The following RIOK3 variants were observed in gnomAD, a reference collection of about 807,000 sequenced individuals.
RIOK3 encodes the protein RIO kinase 3.
In RIOK3, 40 loss-of-function variants were observed where a neutral mutation model predicts 63.5. The ratio of observed to expected loss-of-function variants is 0.63; its 90% confidence interval spans 0.49 to 0.82. The LOEUF (loss-of-function observed/expected upper bound fraction) is 0.82. RIOK3 is among the 40% of genes least tolerant of loss of function. The pLI is 0.00. For synonymous variants in RIOK3, 193 were observed against 205.0 expected, an observed-to-expected ratio of 0.94 and a Z score of 0.50; for missense variants, 557 against 637.0, an observed-to-expected ratio of 0.87 and a Z score of 1.35.
chr18:23,481,630 G>GT lies in RIOK3; in HGVS notation c.*354dup, dbSNP rs1478938958. On this transcript the variant is annotated 3_prime_UTR_variant, in exon 13 of 13. Coordinates refer to ENST00000339486, the MANE Select transcript of RIOK3 (RefSeq NM_003831.5). Reference sequence around the variant, plus strand: ...AAATATGGGAGGAAAGGACAGATGTGTTTACAAGGGAGGATTTTACAACAT... The same window carrying GT: ...AAATATGGGAGGAAAGGACAGATGTGTTTTACAAGGGAGGATTTTACAACAT... The GT allele has an allele frequency of 1.1e-5, 2 of 175,408 alleles. No individual in the cohort carries two copies. The highest frequency in any genetic ancestry group is 6.2e-5 in the Admixed American group (1 of 16,154). 10.9% of individuals were successfully genotyped at this position (175,408 alleles called of 1,614,324 possible). A position where few individuals can be genotyped will look rare whatever the true frequency, so the allele number is the denominator to read the frequency against.
chr18:23,464,569 A>G lies in RIOK3; in HGVS notation c.484A>G (p.Ile162Val), dbSNP rs1226423164. Reference protein sequence around the residue: ...KKGFIGKGKDITTKHDEVVCG... With the variant: ...KKGFIGKGKDVTTKHDEVVCG... ...GGGCTTTATTGGAAAAGGAAAAGATATCACCACCAAACATGATGAAGTAGT... is the reference window on the plus strand; with the variant it reads ...GGGCTTTATTGGAAAAGGAAAAGATGTCACCACCAAACATGATGAAGTAGT... The change falls in exon 5 of 13, where the codon ATC becomes GTC. Residue 162 changes from isoleucine to valine, a missense_variant. Physicochemically the swap from Ile to Val is conservative, Grantham distance 29 (BLOSUM62 3). Transcript: ENST00000339486. The G allele has an allele frequency of 3.7e-6, 6 of 1,608,898 alleles. No individual in the cohort carries two copies. The South Asian group carries it at 4.5e-5, about 12-fold the overall frequency.
intron 11 of RIOK3, chr18:23,478,977 A>G (rs2057512882): frequency 4.3e-6 from 1 of 231,982 alleles, no homozygotes; most frequent in Admixed American, 4.8e-5. Flanking sequence ...GAACCTGAGT[A>G]TAGTCCAGCT....
At chr18:23,458,923 C>T (rs1326106100) in intron 1 of RIOK3, among the ~76,000 whole-genome samples, 1 of 152,170 alleles carries the variant, frequency 6.6e-6, no homozygotes, top group Non-Finnish European at 1.5e-5. Context: ...GGAGTGGCAG[C>T]CTTTCTGAAA....
intron 12 of RIOK3, among the ~76,000 whole-genome samples, chr18:23,480,519 A>G (rs941011262): frequency 6.6e-6 from 1 of 151,206 alleles, no homozygotes; most frequent in African/African-American, 2.4e-5. Context: ...AAAAAAATAC[A>G]TGTATGTATG....
At position 23,481,729 on chromosome 18, in the gene RIOK3, C is replaced by T. The variant is rs2057536280; in HGVS notation, c.*450C>T. 6.5e-6 allele frequency: 1 copy of T among 152,738 alleles called. No homozygotes were observed. Among genetic ancestry groups the T allele is most frequent in the African/African-American group, 2.4e-5 (1 of 41,452 alleles). The allele number at this position is 152,738 out of a possible 1,614,324, so 9.5% of individuals were successfully genotyped here. On this transcript the variant is annotated 3_prime_UTR_variant, in exon 13 of 13. Coordinates refer to ENST00000339486, the MANE Select transcript of RIOK3 (RefSeq NM_003831.5). The stretch of plus-strand genomic sequence containing the variant: ...TTTTATTGGCCCAGAGTTAGCCTTT[C>T]TCAATTATGTTTCCAGACTGTGGCC...
chr18:23,480,770 A>G (rs1439414127), intron 12 of RIOK3, among the ~76,000 whole-genome samples: 1 of 152,072 alleles, frequency 6.6e-6, no homozygotes, highest in Non-Finnish European at 1.5e-5. Flanking sequence ...CCTGAGCAAC[A>G]TAAACTCCAT....
At position 23,473,537 on chromosome 18, in the gene RIOK3, T is replaced by C; in HGVS notation, c.924T>C (p.Asp308=). 2 of 1,613,536 alleles carry C rather than the reference T, an allele frequency of 1.2e-6. No homozygotes were observed. Among genetic ancestry groups the C allele is most frequent in the South Asian group, 1.1e-5 (1 of 91,044 alleles). ...EFKNRDKYIK[D]DFRFKDRFSK... The stretch of plus-strand genomic sequence containing the variant: ...AGAATCGTGACAAATATATTAAAGA[T>C]GATTTCAGGTTTAAAGATCGCTTCA... The change falls in exon 8 of 13, where the codon GAT becomes GAC. Residue 308 remains aspartate, a synonymous_variant. Transcript: ENST00000339486.
chr18:23,478,606 CATATATATATATATATAT>C (rs67305895), intron 11 of RIOK3, among the ~76,000 whole-genome samples: 1,407 of 130,856 alleles, frequency 0.011, 22 homozygotes, highest in African/African-American at 0.023. Flanking sequence ...AAAAACAAAA[CATATATATATATATATAT>C]ATATATATAT....
chr18:23,453,786 T>C (rs1459352228), intron 1 of RIOK3, among the ~76,000 whole-genome samples: 2 of 152,222 alleles, frequency 1.3e-5, no homozygotes, highest in Non-Finnish European at 2.9e-5. Context: ...TGAGCAGGAC[T>C]GGCTTACACA....
chr18:23,467,837 C>T lies in RIOK3; in HGVS notation c.815+311C>T, dbSNP rs1210056647. The stretch of plus-strand genomic sequence containing the variant: ...TGTTCCCCAGGCTGGAGTGCAGTGG[C>T]GTGATCTTGGCTCACTGCAATCTCT... On this transcript the variant is annotated intron_variant, in intron 7 of 12. Coordinates refer to ENST00000339486, the MANE Select transcript of RIOK3 (RefSeq NM_003831.5). 3.9e-5 allele frequency among the ~76,000 whole-genome samples: 6 copies of T among 151,962 alleles called. No homozygotes were observed. In the South Asian group the frequency reaches 6.2e-4, roughly 16 times the overall value.
At chr18:23,468,048 G>A (rs1314446173) in intron 7 of RIOK3, among the ~76,000 whole-genome samples, 1 of 152,170 alleles carries the variant, frequency 6.6e-6, no homozygotes, top group Non-Finnish European at 1.5e-5. Flanking sequence ...AAAGTGCTGG[G>A]ATTACAGGCG....
rs557502097 is a variant in RIOK3 at position 23,466,621 on chromosome 18, T to G, written c.687+345T>G. 2.0e-5 allele frequency among the ~76,000 whole-genome samples: 3 copies of G among 148,228 alleles called. No individual in the cohort carries two copies. In the South Asian group the frequency reaches 6.4e-4, roughly 32 times the overall value. On this transcript the variant is annotated intron_variant, in intron 6 of 12. Transcript: ENST00000339486. Reference sequence around the variant, plus strand: ...GGGAGGATTGGTTGAGCCCAAGAAGTTGAGGCTGCAGTGAACCATGATTGT... The same window carrying G: ...GGGAGGATTGGTTGAGCCCAAGAAGGTGAGGCTGCAGTGAACCATGATTGT...
chr18:23,474,125 AT>A (rs2057474175), intron 8 of RIOK3, among the ~76,000 whole-genome samples: 1 of 152,110 alleles, frequency 6.6e-6, no homozygotes, highest in African/African-American at 2.4e-5. Flanking sequence ...AAACCTTTCT[AT>A]TATCTTAATT....
intron 7 of RIOK3, among the ~76,000 whole-genome samples, chr18:23,470,623 A>C (rs2057450401): frequency 6.6e-6 from 1 of 152,214 alleles, no homozygotes; most frequent in Non-Finnish European, 1.5e-5. Context: ...TCTTTAAGAA[A>C]AAGGCTAAGG....
chr18:23,473,426 TAG>T lies in RIOK3; in HGVS notation c.816-2_816-1del. On this transcript the variant is annotated splice_acceptor_variant, in intron 7 of 12. Coordinates refer to ENST00000339486, the MANE Select transcript of RIOK3 (RefSeq NM_003831.5). LOFTEE classifies it high-confidence loss of function. ...CTGACTTGATTTTTTTTCTTCCACT[TAG>T]CATGGAGGATGAAAAGGAAGATAGT... 6.3e-7 allele frequency: 1 copy of T among 1,597,316 alleles called. No individual in the cohort carries two copies. Among genetic ancestry groups the T allele is most frequent in the Admixed American group, 1.7e-5 (1 of 58,490 alleles).
intron 1 of RIOK3, among the ~76,000 whole-genome samples, chr18:23,458,237 T>C (rs2057353211): frequency 6.6e-6 from 1 of 151,752 alleles, no homozygotes; most frequent in Non-Finnish European, 1.5e-5. Flanking sequence ...TCTTTACCCA[T>C]AATTGTCTGC....
chr18:23,456,133 T>A (rs2057339387), intron 1 of RIOK3, among the ~76,000 whole-genome samples: 2 of 151,520 alleles, frequency 1.3e-5, no homozygotes. Flanking sequence ...GATTTCACCA[T>A]GTTGCCTAGG....
At chr18:23,474,844 C>A in intron 8 of RIOK3, 104 bp from the exon 9 acceptor site, 1 of 820,366 alleles carries the variant, frequency 1.2e-6, no homozygotes, top group Non-Finnish European at 2.0e-6. Context: ...CAGGGTAGAA[C>A]ATAGTGCCAG....
At chr18:23,476,766 G>A (rs1469421486) in intron 9 of RIOK3, among the ~76,000 whole-genome samples, 1 of 152,038 alleles carries the variant, frequency 6.6e-6, no homozygotes, top group Non-Finnish European at 1.5e-5. Flanking sequence ...CAAAAAATTA[G>A]CCAGGAGTGG....
Sources: gnomAD v4.1 joint callset for allele counts (sites outside exome capture counted in the v4.1 genomes callset) on GRCh38, gnomAD v4.1.1 for gene constraint, MANE v1.5 for transcripts, NCBI Gene and HGNC (gene_info 2026-07-23, HGNC 2026-07-21) for gene names.